The following VANGL1 variants were observed in gnomAD, a reference collection of about 807,000 sequenced individuals.
The protein encoded by VANGL1 is vang-like protein 1.
A neutral mutation model predicts 48.4 loss-of-function variants in VANGL1; 18 were observed. The observed-to-expected ratio is 0.37, with a 90% CI of 0.26 to 0.55. VANGL1 has a LOEUF of 0.55. Among genes scored for constraint, VANGL1 ranks in the 20% least tolerant of loss-of-function variants. VANGL1 has a pLI of 0.81. For synonymous variants in VANGL1, 257 were observed against 261.8 expected (o/e 0.98, Z 0.18); for missense variants, 667 against 675.8 (o/e 0.99, Z 0.14).
intron 6 of VANGL1, among the ~76,000 whole-genome samples, chr1:115,684,565 A>T (rs1214467153): frequency 6.6e-6 from 1 of 152,204 alleles, no homozygotes; most frequent in Admixed American, 6.5e-5. Flanking sequence ...GCCTGTATGA[A>T]TATCACTGGG....
chr1:115,646,634 C>T (rs868194218), intron 1 of VANGL1, among the ~76,000 whole-genome samples: 2 of 151,358 alleles, frequency 1.3e-5, no homozygotes, highest in African/African-American at 4.9e-5. Flanking sequence ...GGCCTCATGT[C>T]CTAAGATCTG....
rs143016040 is a variant in VANGL1 at position 115,685,513 on chromosome 1, G to A, written c.1300G>A (p.Gly434Ser). 1.9e-4 allele frequency: 303 copies of A among 1,613,912 alleles called. No individual in the cohort carries two copies. Among genetic ancestry groups the A allele is most frequent in the Non-Finnish European group, 2.5e-4 (293 of 1,180,032 alleles). ...LQHLAFCITN[G>S]MTPKAFLERY... Reference sequence around the variant, plus strand: ...GCACCTGGCCTTCTGCATCACCAACGGCATGACCCCCAAGGTGCGCTGCTC... The same window carrying A: ...GCACCTGGCCTTCTGCATCACCAACAGCATGACCCCCAAGGTGCGCTGCTC... The change falls in exon 7 of 8, where the codon GGC becomes AGC. Residue 434 changes from glycine to serine, a missense_variant. Physicochemically the swap from Gly to Ser is moderately conservative, Grantham distance 56. Coordinates refer to ENST00000355485, the MANE Select transcript of VANGL1 (RefSeq NM_138959.3).
At chr1:115,669,035 A>T (rs111918452) in intron 4 of VANGL1, among the ~76,000 whole-genome samples, 155 of 152,322 alleles carry the variant, frequency 1.0e-3, no homozygotes, top group African/African-American at 3.6e-3. Flanking sequence ...TCTTTCTCAG[A>T]GTCTGTTTAT....
chr1:115,674,254 GTCCCTCTTC>G (rs1557771334), intron 4 of VANGL1, among the ~76,000 whole-genome samples: 1 of 152,012 alleles, frequency 6.6e-6, no homozygotes, highest in African/African-American at 2.4e-5. Context: ...CGGAAACACC[GTCCCTCTTC>G]TCCTGGTGTA....
chr1:115,688,921 C>T (rs1372898141), intron 7 of VANGL1, among the ~76,000 whole-genome samples: 1 of 134,536 alleles, frequency 7.4e-6, no homozygotes, highest in East Asian at 2.1e-4. Flanking sequence ...TCCCGAGTAA[C>T]TGGGACTACA....
intron 4 of VANGL1, among the ~76,000 whole-genome samples, chr1:115,680,299 C>T (rs767924155): frequency 1.3e-5 from 2 of 152,130 alleles, no homozygotes; most frequent in Admixed American, 6.6e-5. Context: ...AGCTCTTCTC[C>T]GTGGTTACTC....
chr1:115,668,258 C>A (rs193150012), intron 4 of VANGL1, among the ~76,000 whole-genome samples: 10 of 151,888 alleles, frequency 6.6e-5, no homozygotes, highest in South Asian at 6.2e-4. Context: ...ATGAACAAAC[C>A]CAGAAGCATT....
intron 4 of VANGL1, among the ~76,000 whole-genome samples, chr1:115,675,432 G>A (rs1653126260): frequency 6.6e-6 from 1 of 152,022 alleles, no homozygotes; most frequent in African/African-American, 2.4e-5. Flanking sequence ...AACCTGGGAA[G>A]CAGAGGTTGC....
At chr1:115,672,435 G>A (rs181597734) in intron 4 of VANGL1, among the ~76,000 whole-genome samples, 1 of 152,270 alleles carries the variant, frequency 6.6e-6, no homozygotes, top group East Asian at 1.9e-4. Flanking sequence ...GAATCCAGGT[G>A]GCCCGAGGAA....
At chr1:115,652,174 T>A (rs190824288) in intron 2 of VANGL1, among the ~76,000 whole-genome samples, 5 of 152,348 alleles carry the variant, frequency 3.3e-5, no homozygotes, top group Admixed American at 2.0e-4. Context: ...AGGATTGTCC[T>A]GGCACCTTAT....
At chr1:115,682,256 T>G in intron 4 of VANGL1, 108 bp from the exon 5 acceptor site, 1 of 1,453,738 alleles carries the variant, frequency 6.9e-7, no homozygotes, top group Non-Finnish European at 9.4e-7. Context: ...TGTATGAGAT[T>G]ATCTTTGATG....
chr1:115,676,825 T>C (rs966726979), intron 4 of VANGL1, among the ~76,000 whole-genome samples: 2 of 152,264 alleles, frequency 1.3e-5, no homozygotes, highest in African/African-American at 4.8e-5. Context: ...GTACCAGGCC[T>C]GCCCCAGTCA....
At chr1:115,680,382 A>G (rs979876738) in intron 4 of VANGL1, among the ~76,000 whole-genome samples, 4 of 152,220 alleles carry the variant, frequency 2.6e-5, no homozygotes, top group African/African-American at 4.8e-5. Context: ...GCTAAGGTCT[A>G]TCTTCATATT....
Position 115,685,348 on chromosome 1 carries a change from G to GAGCAGC in VANGL1, c.1138_1143dup (p.Gln380_Gln381dup). On this transcript the variant is annotated inframe_insertion, in exon 7 of 8. Transcript: ENST00000355485. ...CCACATTCAGCGTCTCCAGGCTGAG[G>GAGCAGC]AGCAGCAGAAAGCCCCAGGGGAGGT... The GAGCAGC allele has an allele frequency of 6.2e-7, 1 of 1,614,178 alleles. No individual in the cohort carries two copies. Among genetic ancestry groups the GAGCAGC allele is most frequent in the East Asian group, 2.2e-5 (1 of 44,880 alleles).
rs201871883 is a variant in VANGL1, at chr1:115,663,938, T to A, written c.482T>A (p.Leu161His). 1 of 1,614,202 alleles carries A rather than the reference T, an allele frequency of 6.2e-7. No individual in the cohort carries two copies. Among genetic ancestry groups the A allele is most frequent in the East Asian group, 2.2e-5 (1 of 44,880 alleles). ...GLFISMAFKL[L>H]ILLIGTWALF... Reference sequence around the variant, plus strand: ...TTTATCTCCATGGCATTCAAACTCCTCATTCTGCTCATAGGGACCTGGGCA... The same window carrying A: ...TTTATCTCCATGGCATTCAAACTCCACATTCTGCTCATAGGGACCTGGGCA... Residue 161 changes from leucine to histidine, a missense_variant, in exon 4 of 8, where the codon CTC becomes CAC. Transcript: ENST00000355485.
rs771384762 is a variant in VANGL1, at chr1:115,685,401, C to A, written c.1188C>A (p.Ala396=). 1 of 1,614,184 alleles carries A rather than the reference C, an allele frequency of 6.2e-7. No homozygotes were observed. The highest frequency in any genetic ancestry group is 1.1e-5 in the South Asian group (1 of 91,086). Residue 396 remains alanine, a synonymous_variant, in exon 7 of 8, where the codon GCC becomes GCA. Transcript: ENST00000355485. The part of the protein sequence containing the change: ...EVMDPREAAQ[A]IFPSMARALQ... ...TGGACCCTAGGGAGGCCGCCCAGGC[C>A]ATTTTCCCCTCCATGGCCAGGGCTC...
At chr1:115,647,478 T>C (rs1210726827) in intron 1 of VANGL1, among the ~76,000 whole-genome samples, 1 of 152,262 alleles carries the variant, frequency 6.6e-6, no homozygotes, top group East Asian at 1.9e-4. Context: ...AGTTCTTACC[T>C]TGGCTCAGAC....
rs959440455 is a variant in VANGL1, at chr1:115,696,221, T to C, written c.*4842T>C. ...AGGCAGGGGCTTGACCTGGCCTCTC[T>C]CTGGTGCCATGGCAACATTATGCCC... On this transcript the variant is annotated 3_prime_UTR_variant, in exon 8 of 8. Transcript: ENST00000355485. 1 of 152,358 alleles carries C rather than the reference T, an allele frequency of 6.6e-6. No individual in the cohort carries two copies. The highest frequency in any genetic ancestry group is 1.5e-5 in the Non-Finnish European group (1 of 68,206). 9.4% of individuals were successfully genotyped at this position (152,358 alleles called of 1,614,324 possible). A position where few individuals can be genotyped will look rare whatever the true frequency, so the allele number is the denominator to read the frequency against.
At chr1:115,680,587 G>T (rs534696674) in intron 4 of VANGL1, among the ~76,000 whole-genome samples, 12 of 152,192 alleles carry the variant, frequency 7.9e-5, no homozygotes, top group Non-Finnish European at 1.5e-4. Flanking sequence ...TATCTAGGAC[G>T]ATATTAAGTA....
Sources: gnomAD v4.1 joint callset for allele counts (sites outside exome capture counted in the v4.1 genomes callset) on GRCh38, gnomAD v4.1.1 for gene constraint, MANE v1.5 for transcripts, NCBI Gene and HGNC (gene_info 2026-07-23, HGNC 2026-07-21) for gene names.